PPIL6: variants seen among roughly 807,000 people sequenced by gnomAD.
The protein encoded by PPIL6 is probable inactive peptidyl-prolyl cis-trans isomerase-like 6.
A neutral mutation model predicts 36.8 loss-of-function variants in PPIL6; 39 were observed. The observed-to-expected ratio is 1.06, with a 90% confidence interval of 0.82 to 1.38. The LOEUF is 1.38. Ranked by LOEUF, PPIL6 falls within the 40% of genes most tolerant of loss-of-function variation. The pLI is 0.00. For missense variants in PPIL6, 368 were observed against 379.1 expected, an observed-to-expected ratio of 0.97 and a Z score of 0.24; for synonymous variants, 123 against 134.1, an observed-to-expected ratio of 0.92 and a Z score of 0.57.
rs1773087234 is a variant in PPIL6 at position 109,413,109 on chromosome 6, G to T, written c.688+6078C>A. ...GGCAGCGGAGGTTGCAGTGAGCTGA[G>T]ATGGCACCACTGCATTCTATCCTGG... On this transcript the variant is annotated intron_variant, in intron 6 of 7. Coordinates refer to ENST00000521072, the MANE Select transcript of PPIL6 (RefSeq NM_173672.5). This position sits in a 1 kb window ranked among gnomAD's most constrained non-coding sequence, Gnocchi z 4.6. Among the ~76,000 whole-genome samples the T allele has an allele frequency of 6.6e-6, 1 of 152,172 alleles. No homozygotes were observed. The highest frequency in any genetic ancestry group is 1.5e-5 in the Non-Finnish European group (1 of 68,040).
chr6:109,410,489 C>T (rs549340605), intron 6 of PPIL6, among the ~76,000 whole-genome samples: 41 of 152,078 alleles, frequency 2.7e-4, no homozygotes, highest in Non-Finnish European at 5.6e-4. Context: ...ACCTAAGAAA[C>T]CTCACTACCA....
intron 1 of PPIL6, 131 bp downstream of exon 1, chr6:109,440,325 A>C: frequency 8.6e-7 from 1 of 1,163,754 alleles, no homozygotes; most frequent in East Asian, 2.8e-5. Context: ...CGGCCAGGAC[A>C]CGCCAGCCCC....
intron 2 of PPIL6, among the ~76,000 whole-genome samples, chr6:109,435,690 C>T (rs1343817916): frequency 1.3e-5 from 2 of 152,018 alleles, no homozygotes; most frequent in African/African-American, 2.4e-5. Flanking sequence ...TTTGGGAGGC[C>T]GAGGTGGGTG....
rs569464138 is a variant in PPIL6, at chr6:109,413,003, C to T, written c.688+6184G>A. ...TGAAACCCTGTCTCTACTAAAAATACAAAAATTAGCCAGGTGTAGTTATGT... is the reference window on the plus strand; with the variant it reads ...TGAAACCCTGTCTCTACTAAAAATATAAAAATTAGCCAGGTGTAGTTATGT... On this transcript the variant is annotated intron_variant, in intron 6 of 7. Transcript: ENST00000521072. This position sits in a 1 kb window ranked among gnomAD's most constrained non-coding sequence, Gnocchi z 4.6. 2.6e-5 allele frequency among the ~76,000 whole-genome samples: 4 copies of T among 152,090 alleles called. No homozygotes were observed. The highest frequency in any genetic ancestry group is 2.1e-4 in the South Asian group (1 of 4,814).
At chr6:109,417,414 T>G (rs77818161) in intron 6 of PPIL6, among the ~76,000 whole-genome samples, 4,787 of 151,422 alleles carry the variant, frequency 0.032, 175 homozygotes, top group African/African-American at 0.088. Flanking sequence ...AAACTGACTG[T>G]AAGTTTCTTT....
chr6:109,432,250 T>A (rs774655194), intron 2 of PPIL6, among the ~76,000 whole-genome samples: 4 of 152,116 alleles, frequency 2.6e-5, no homozygotes, highest in Non-Finnish European at 1.5e-5. Flanking sequence ...GGAAATGACT[T>A]ACGAGGGTCA....
chr6:109,437,548 C>CTTTTTTTTT (rs71551374), intron 1 of PPIL6, among the ~76,000 whole-genome samples: 36 of 97,946 alleles, frequency 3.7e-4, no homozygotes, highest in Non-Finnish European at 5.2e-4. Flanking sequence ...TATTTCTTTT[C>CTTTTTTTTT]TTTTTTTTTT....
At chr6:109,400,316 A>C (rs980374192) in intron 6 of PPIL6, 146 bp from the exon 7 acceptor site, 2 of 699,456 alleles carry the variant, frequency 2.9e-6, no homozygotes, top group Middle Eastern at 4.1e-4. Context: ...TATTCATTTC[A>C]AATTATTTTC....
rs1481239575 is a variant in PPIL6, at chr6:109,392,634, G to A, written c.*192C>T. On this transcript the variant is annotated 3_prime_UTR_variant, in exon 8 of 8. Coordinates refer to ENST00000521072, the MANE Select transcript of PPIL6 (RefSeq NM_173672.5). ...GCTGCAAAGGAGTCTAGGAAATTGA[G>A]TACCACCCTTTCACAGTCTCTATGA... 3 of 513,720 alleles carry A rather than the reference G, an allele frequency of 5.8e-6. No homozygotes were observed. Among genetic ancestry groups the A allele is most frequent in the Non-Finnish European group, 1.0e-5 (3 of 293,264 alleles). The allele number at this position is 513,720 out of a possible 1,614,324, so 31.8% of individuals were successfully genotyped here. A position where few individuals can be genotyped will look rare whatever the true frequency, so the allele number is the denominator to read the frequency against.
At chr6:109,435,457 C>T (rs1774393970) in intron 2 of PPIL6, among the ~76,000 whole-genome samples, 1 of 151,956 alleles carries the variant, frequency 6.6e-6, no homozygotes, top group South Asian at 2.1e-4. Context: ...GCCACCATGC[C>T]CAGCTAATTT....
intron 1 of PPIL6, among the ~76,000 whole-genome samples, chr6:109,439,610 T>C (rs988768513): frequency 6.6e-6 from 1 of 152,234 alleles, no homozygotes; most frequent in African/African-American, 2.4e-5. Context: ...GTGCTGAGAT[T>C]ATAGGCGTGA....
chr6:109,428,764 C>G (rs1005858510), intron 3 of PPIL6, among the ~76,000 whole-genome samples: 5 of 151,972 alleles, frequency 3.3e-5, no homozygotes, highest in African/African-American at 1.2e-4. Flanking sequence ...ATTTGTGCCT[C>G]TCAGCTTCTA....
In PPIL6 at chr6:109,392,643, T is replaced by C. The variant is rs1772137000; in HGVS notation, c.*183A>G. 2 of 529,850 alleles carry C rather than the reference T, an allele frequency of 3.8e-6. No homozygotes were observed. Among genetic ancestry groups the C allele is most frequent in the Admixed American group, 7.4e-5 (2 of 27,074 alleles). 32.8% of individuals were successfully genotyped at this position (529,850 alleles called of 1,614,324 possible). ...GAGTCTAGGAAATTGAGTACCACCC[T>C]TTCACAGTCTCTATGACAGAGACAG... On this transcript the variant is annotated 3_prime_UTR_variant, in exon 8 of 8. Transcript: ENST00000521072.
rs560905599 is a variant in PPIL6, at chr6:109,402,883, A to G, written c.689-2713T>C. ...GCCTACTTGGCATGATCTTGTATGCATCAAATAAAATGATGTGTAAGAAAG... is the reference window on the plus strand; with the variant it reads ...GCCTACTTGGCATGATCTTGTATGCGTCAAATAAAATGATGTGTAAGAAAG... On this transcript the variant is annotated intron_variant, in intron 6 of 7. Coordinates refer to ENST00000521072, the MANE Select transcript of PPIL6 (RefSeq NM_173672.5). 7 of 559,002 alleles carry G rather than the reference A, an allele frequency of 1.3e-5. No individual in the cohort carries two copies. The South Asian group carries it at 2.1e-4, about 16-fold the overall frequency. 34.6% of individuals were successfully genotyped at this position (559,002 alleles called of 1,614,324 possible). A position where few individuals can be genotyped will look rare whatever the true frequency, so the allele number is the denominator to read the frequency against.
intron 2 of PPIL6, among the ~76,000 whole-genome samples, chr6:109,432,379 G>A (rs1350630733): frequency 6.6e-6 from 1 of 152,120 alleles, no homozygotes; most frequent in Non-Finnish European, 1.5e-5. Flanking sequence ...CAACGCTGAT[G>A]GTAAACCTTC....
chr6:109,434,691 C>A (rs1228776344), intron 2 of PPIL6, among the ~76,000 whole-genome samples: 1 of 152,094 alleles, frequency 6.6e-6, no homozygotes, highest in Non-Finnish European at 1.5e-5. Context: ...ACAGAACAAT[C>A]GAAACTGCTC....
chr6:109,439,252 AAT>A (rs1381885191), intron 1 of PPIL6, among the ~76,000 whole-genome samples: 3 of 152,238 alleles, frequency 2.0e-5, no homozygotes, highest in Non-Finnish European at 4.4e-5. Context: ...TAACTTTGGT[AAT>A]AAAAGGTTGC....
chr6:109,405,068 A>G (rs1035691229), intron 6 of PPIL6: 34 of 403,180 alleles, frequency 8.4e-5, no homozygotes, highest in Middle Eastern at 3.5e-4. Flanking sequence ...GGAAAAAAAA[A>G]AAGATATCTT....
Position 109,404,569 on chromosome 6 carries a change from G to A in PPIL6, c.689-4399C>T, listed in dbSNP as rs567433429. 4.6e-5 allele frequency among the ~76,000 whole-genome samples: 7 copies of A among 152,300 alleles called. No homozygotes were observed. The East Asian group carries it at 7.7e-4, about 17-fold the overall frequency. On this transcript the variant is annotated intron_variant, in intron 6 of 7. Coordinates refer to ENST00000521072, the MANE Select transcript of PPIL6 (RefSeq NM_173672.5). ...TGCACAAAACTACTACAAGCCTTCC[G>A]AGTAGAAACTCGGTTATACCATCTT...
Sources: gnomAD v4.1 joint callset for allele counts (sites outside exome capture counted in the v4.1 genomes callset) on GRCh38, gnomAD v4.1.1 for gene constraint, Gnocchi (gnomAD v3.1) non-coding constraint, MANE v1.5 for transcripts, NCBI Gene and HGNC (gene_info 2026-07-23, HGNC 2026-07-21) for gene names.